Variants in SCAF4 observed in about 807,000 individuals in gnomAD.
The protein encoded by SCAF4 is SR-related and CTD-associated factor 4.
A neutral mutation model predicts 129.8 loss-of-function variants in SCAF4; 25 were observed. That is an observed-to-expected ratio of 0.19 (90% CI 0.14 to 0.27). The LOEUF is 0.27. Among genes scored for constraint, SCAF4 ranks in the 10% least tolerant of loss-of-function variants. SCAF4 has a pLI of 1.00. For synonymous variants in SCAF4, 551 were observed against 497.7 expected (o/e 1.11, Z -1.43); for missense variants, 1,246 against 1,457.1 (o/e 0.86, Z 2.36).
chr21:31,694,745 TAAG>T, intron 10 of SCAF4, 65 bp downstream of exon 10: 1 of 1,461,064 alleles, frequency 6.8e-7, no homozygotes, highest in Non-Finnish European at 9.6e-7. Context: ...AGCAAGCAAA[TAAG>T]GAGAAATCTG....
rs2049713554 is a variant in SCAF4, at chr21:31,671,958, T to G, written c.2885A>C (p.Gln962Pro). The G allele has an allele frequency of 6.2e-7, 1 of 1,609,316 alleles. No homozygotes were observed. Among genetic ancestry groups the G allele is most frequent in the South Asian group, 1.1e-5 (1 of 90,852 alleles). Residue 962 changes from glutamine (Q) to proline (P), a missense_variant, in exon 20 of 20, where the codon CAG (glutamine) becomes CCG (proline). By Grantham distance (76) the Gln-to-Pro change is moderately conservative. Around this residue, in one of 6 missense-constraint regions of SCAF4, gnomAD observed 339 missense variants for 325.0 expected, o/e 1.04. Transcript: ENST00000286835. Reference protein sequence around the residue: ...QPQAPQQPQQQQQQQPPPSQQ... With the variant: ...QPQAPQQPQQPQQQQPPPSQQ... Reference sequence around the variant, plus strand: ...TGATGGTGGTGGCTGCTGCTGCTGCTGCTGCTGTGGTTGCTGGGGCGCCTG... The same window carrying G: ...TGATGGTGGTGGCTGCTGCTGCTGCGGCTGCTGTGGTTGCTGGGGCGCCTG...
chr21:31,673,683 C>A (rs888401418), intron 19 of SCAF4, among the ~76,000 whole-genome samples: 1 of 152,230 alleles, frequency 6.6e-6, no homozygotes, highest in African/African-American at 2.4e-5. Context: ...ACTGGGGCAA[C>A]AGAAGCACAT....
chr21:31,699,772 A>G (rs568366065), intron 7 of SCAF4, among the ~76,000 whole-genome samples: 109 of 152,330 alleles, frequency 7.2e-4, no homozygotes, highest in Middle Eastern at 3.4e-3. Flanking sequence ...AAAACTGAAA[A>G]GTCAAATGAT....
At chr21:31,721,703 T>G (rs999231511) in intron 1 of SCAF4, among the ~76,000 whole-genome samples, 2 of 151,722 alleles carry the variant, frequency 1.3e-5, no homozygotes, top group African/African-American at 4.8e-5. Context: ...TGTTCTTTTA[T>G]TAACATCAAG....
intron 7 of SCAF4, 28 bp downstream of exon 7, chr21:31,700,965 GGT>G (rs2050515932): frequency 6.2e-7 from 1 of 1,602,104 alleles, no homozygotes; most frequent in Admixed American, 1.7e-5. Context: ...TGATATAAAT[GGT>G]GGGGTGGGTT....
intron 19 of SCAF4, among the ~76,000 whole-genome samples, chr21:31,678,213 A>G (rs759786067): frequency 1.3e-5 from 2 of 152,208 alleles, no homozygotes; most frequent in Non-Finnish European, 2.9e-5. Flanking sequence ...TTTTAATTTG[A>G]TAGGCTCCCC....
At chr21:31,694,159 C>A (rs1162107631) in intron 11 of SCAF4, 45 bp downstream of exon 11, 2 of 1,006,480 alleles carry the variant, frequency 2.0e-6, no homozygotes, top group Non-Finnish European at 1.5e-6. Context: ...ATTTCTATGT[C>A]CCCTAAGATA....
intron 1 of SCAF4, among the ~76,000 whole-genome samples, chr21:31,724,291 C>T (rs2051148186): frequency 6.6e-6 from 1 of 152,152 alleles, no homozygotes; most frequent in Non-Finnish European, 1.5e-5. Context: ...CCTGGTAAGG[C>T]CTCTTCTAAC....
rs763344051 is a variant in SCAF4, at chr21:31,705,423, C to G, written c.159G>C (p.Lys53Asn). The G allele has an allele frequency of 8.1e-7, 1 of 1,240,990 alleles. No individual in the cohort carries two copies. Among genetic ancestry groups the G allele is most frequent in the South Asian group, 1.4e-5 (1 of 71,474 alleles). The allele number at this position is 1,240,990 out of a possible 1,614,324, so 76.9% of individuals were successfully genotyped here. The change falls in exon 3 of 20, where the codon AAG becomes AAC. Residue 53 changes from lysine (K) to asparagine (N), a missense_variant and splice_region_variant. Physicochemically the swap from Lys to Asn is moderately conservative, Grantham distance 94. Around this residue, in one of 6 missense-constraint regions of SCAF4, gnomAD observed 56 missense variants for 139.4 expected, o/e 0.40. Transcript: ENST00000286835. ...TGAGGTTATAATGAGAGATAGTTAC[C>G]TTTTTGATGAACTTTTCTACTATTT... ...VVQIVEKFIK[K>N]CKPEYKVPGL...
chr21:31,691,563 T>A (rs1001847948), intron 14 of SCAF4, among the ~76,000 whole-genome samples: 1 of 151,704 alleles, frequency 6.6e-6, no homozygotes, highest in East Asian at 1.9e-4. Context: ...TAATTTACCA[T>A]GATGAACCCA....
intron 19 of SCAF4, among the ~76,000 whole-genome samples, chr21:31,677,522 C>T (rs1443079348): frequency 6.6e-6 from 1 of 152,124 alleles, no homozygotes; most frequent in Admixed American, 6.6e-5. Context: ...GGCTTTTGAA[C>T]TCATCAATCC....
Position 31,693,487 on chromosome 21 carries a change from A to T in SCAF4, c.1323-3T>A. ...TAGATCGCCTCCTTTTTGGTGACCTAATGTTTTCAAGAGAAGGGAGAATGC... is the reference window on the plus strand; with the variant it reads ...TAGATCGCCTCCTTTTTGGTGACCTTATGTTTTCAAGAGAAGGGAGAATGC... On this transcript the variant is annotated splice_region_variant and splice_polypyrimidine_tract_variant and intron_variant, in intron 11 of 19. Transcript: ENST00000286835. The T allele has an allele frequency of 6.8e-7, 1 of 1,474,388 alleles. No homozygotes were observed. Among genetic ancestry groups the T allele is most frequent in the Non-Finnish European group, 9.1e-7 (1 of 1,093,662 alleles). The allele number at this position is 1,474,388 out of a possible 1,614,324, so 91.3% of individuals were successfully genotyped here. A position where few individuals can be genotyped will look rare whatever the true frequency, so the allele number is the denominator to read the frequency against.
intron 19 of SCAF4, among the ~76,000 whole-genome samples, chr21:31,674,041 G>A (rs1165030190): frequency 1.3e-5 from 2 of 152,168 alleles, no homozygotes; most frequent in African/African-American, 2.4e-5. Context: ...GTTGAGATGA[G>A]TCTTCAAAAG....
rs1278515378 is a variant in SCAF4 at position 31,702,257 on chromosome 21, A to T, written c.444T>A (p.Val148=). 6.2e-7 allele frequency: 1 copy of T among 1,614,130 alleles called. No homozygotes were observed. The highest frequency in any genetic ancestry group is 1.1e-5 in the South Asian group (1 of 91,064). ...TSNAAPVAEN[V]TNNEGSPPPP... ...ATCTGACCATACCTTCATTATTGGTAACATTTTCTGCTACTGGGGCTGCAT... is the reference window on the plus strand; with the variant it reads ...ATCTGACCATACCTTCATTATTGGTTACATTTTCTGCTACTGGGGCTGCAT... The change falls in exon 5 of 20, where the codon GTT becomes GTA. Residue 148 remains valine (V), a synonymous_variant. Transcript: ENST00000286835.
intron 19 of SCAF4, among the ~76,000 whole-genome samples, chr21:31,678,418 G>GGCTAAA (rs2049915538): frequency 6.6e-6 from 1 of 152,042 alleles, no homozygotes; most frequent in Admixed American, 6.6e-5. Flanking sequence ...GCCCAACGTG[G>GGCTAAA]GCTAGCTCCC....
chr21:31,716,988 A>C (rs2050934888), intron 1 of SCAF4, among the ~76,000 whole-genome samples: 1 of 152,138 alleles, frequency 6.6e-6, no homozygotes, highest in Non-Finnish European at 1.5e-5. Flanking sequence ...ACAAAATCCC[A>C]ATATCTAATT....
At chr21:31,719,235 A>G (rs921969218) in intron 1 of SCAF4, among the ~76,000 whole-genome samples, 8 of 152,152 alleles carry the variant, frequency 5.3e-5, no homozygotes, top group African/African-American at 1.7e-4. Context: ...GATTGCGGTC[A>G]GCCAAGATCA....
intron 1 of SCAF4, among the ~76,000 whole-genome samples, chr21:31,718,182 T>C (rs1012917539): frequency 3.9e-5 from 6 of 152,068 alleles, no homozygotes; most frequent in African/African-American, 7.2e-5. Context: ...CTGACCTCAG[T>C]TGCTCTGCCC....
Position 31,696,603 on chromosome 21 carries a change from C to G in SCAF4, c.925G>C (p.Ala309Pro). The change falls in exon 8 of 20, where the codon GCT (alanine) becomes CCT (proline). Residue 309 changes from alanine to proline, a missense_variant. By Grantham distance (27) the Ala-to-Pro change is conservative. This residue lies in a region of SCAF4 where 236 missense variants were observed against 210.0 expected (regional missense o/e 1.12). Coordinates refer to ENST00000286835, the MANE Select transcript of SCAF4 (RefSeq NM_020706.2). ...TGTGGAGGAGGAGGAGAGGCAGCAG[C>G]GGGTGCAGCAGCAGCAGGCACGGTG... is the stretch of plus-strand genomic sequence containing the variant. ...TATVPAAAAP[A>P]AASPPPPQAP... The G allele has an allele frequency of 6.2e-7, 1 of 1,609,658 alleles. No individual in the cohort carries two copies. Among genetic ancestry groups the G allele is most frequent in the African/African-American group, 1.3e-5 (1 of 74,586 alleles).
Sources: gnomAD v4.1 joint callset for allele counts (sites outside exome capture counted in the v4.1 genomes callset) on GRCh38, gnomAD v4.1.1 for gene constraint, gnomAD v4.1.1 regional missense constraint, MANE v1.5 for transcripts, NCBI Gene and HGNC (gene_info 2026-07-23, HGNC 2026-07-21) for gene names.